The following GRM7 variants were observed in gnomAD, a reference collection of about 807,000 sequenced individuals.
The protein encoded by GRM7 is glutamate metabotropic receptor 7, also known as metabotropic glutamate receptor 7.
In GRM7, 35 loss-of-function variants were observed where a neutral mutation model predicts 84.5. The observed-to-expected ratio is 0.41, with a 90% CI of 0.32 to 0.55. GRM7 has a LOEUF of 0.55. Ranked by LOEUF, GRM7 falls within the 20% of genes least tolerant of loss-of-function variation. The pLI is 0.19. For missense variants in GRM7, 1,003 were observed against 1,194.6 expected, an observed-to-expected ratio of 0.84 and a Z score of 2.36; for synonymous variants, 487 against 455.1, an observed-to-expected ratio of 1.07 and a Z score of -0.89.
At chr3:7,451,982 G>A (rs912898379) in intron 5 of GRM7, among the ~76,000 whole-genome samples, 3 of 152,174 alleles carry the variant, frequency 2.0e-5, no homozygotes, top group East Asian at 3.8e-4. Context: ...AGCATTGCAC[G>A]TGATGGAAAA....
At chr3:6,930,085 T>A (rs1399298063) in intron 1 of GRM7, among the ~76,000 whole-genome samples, 1 of 152,188 alleles carries the variant, frequency 6.6e-6, no homozygotes, top group Non-Finnish European at 1.5e-5. Context: ...TGAGACAGAC[T>A]GTGTGGCAAT....
intron 2 of GRM7, among the ~76,000 whole-genome samples, chr3:7,223,493 AT>A (rs900522455): frequency 3.6e-4 from 49 of 138,006 alleles, no homozygotes; most frequent in Middle Eastern, 3.6e-3. Context: ...TTTCTCTAAT[AT>A]TTTTTTTTCT....
intron 1 of GRM7, among the ~76,000 whole-genome samples, chr3:6,998,388 C>A (rs7626458): frequency 2.6e-5 from 4 of 152,098 alleles, no homozygotes; most frequent in East Asian, 1.9e-4. Flanking sequence ...CAGTCCCCCC[C>A]AAAGTTGCTT....
At chr3:7,325,873 T>C (rs1274028513) in intron 4 of GRM7, among the ~76,000 whole-genome samples, 5 of 152,128 alleles carry the variant, frequency 3.3e-5, no homozygotes, top group African/African-American at 4.8e-5. Context: ...AGTTTTTTTG[T>C]CTCTCTCTCG....
At chr3:6,932,751 CTTTTT>C (rs35962540) in intron 1 of GRM7, among the ~76,000 whole-genome samples, 2 of 93,812 alleles carry the variant, frequency 2.1e-5, no homozygotes, top group Admixed American at 1.2e-4. Context: ...TTCTTTCTCT[CTTTTT>C]TTTTTTTTTT....
At position 7,530,762 on chromosome 3, in the gene GRM7, T is replaced by G. The variant is rs531343787; in HGVS notation, c.1516-47660T>G. Among the ~76,000 whole-genome samples, 9 of 152,124 alleles carry G rather than the reference T, an allele frequency of 5.9e-5. No individual in the cohort carries two copies. The South Asian group carries it at 1.9e-3, about 32-fold the overall frequency. ...GCCTTCTTTTGAGGAGTGTCTGTTCTTATCTTTTGTCCATTTTTTGATGGG... is the reference window on the plus strand; with the variant it reads ...GCCTTCTTTTGAGGAGTGTCTGTTCGTATCTTTTGTCCATTTTTTGATGGG... On this transcript the variant is annotated intron_variant, in intron 7 of 9. Coordinates refer to ENST00000357716, the MANE Select transcript of GRM7 (RefSeq NM_000844.4).
intron 4 of GRM7, among the ~76,000 whole-genome samples, chr3:7,410,220 G>A (rs955188585): frequency 4.6e-5 from 7 of 152,132 alleles, no homozygotes; most frequent in Non-Finnish European, 1.0e-4. Flanking sequence ...AACTTAATAA[G>A]CAAAACTAGA....
rs1169526101 is a variant in GRM7, at chr3:7,452,876, G to A, written c.1375+69G>A. The A allele has an allele frequency of 9.6e-6, 9 of 933,406 alleles. No individual in the cohort carries two copies. In the East Asian group the frequency reaches 2.3e-4, roughly 24 times the overall value. 57.8% of individuals were successfully genotyped at this position (933,406 alleles called of 1,614,324 possible). ...GCATTCTGTTTCATAAGTTTTAAAT[G>A]TCTATTATTATTTACTTTAAAATAT... On this transcript the variant is annotated intron_variant, in intron 6 of 9. Coordinates refer to ENST00000357716, the MANE Select transcript of GRM7 (RefSeq NM_000844.4).
In GRM7 at chr3:7,163,344, C is replaced by G. The variant is rs114001059; in HGVS notation, c.736+16676C>G. The stretch of plus-strand genomic sequence containing the variant: ...TCTGAGGAGTGCTAGCTTCCTGATA[C>G]CAATTCAATGGAAAAGGGAAAGAAT... On this transcript the variant is annotated intron_variant, in intron 2 of 9. Transcript: ENST00000357716. Among the ~76,000 whole-genome samples, 211 of 152,264 alleles carry G rather than the reference C, an allele frequency of 1.4e-3. 1 individual carries two copies. The highest frequency in any genetic ancestry group is 4.5e-3 in the African/African-American group (188 of 41,550).
At chr3:7,570,439 G>T (rs1433179771) in intron 7 of GRM7, among the ~76,000 whole-genome samples, 1 of 152,174 alleles carries the variant, frequency 6.6e-6, no homozygotes. Flanking sequence ...GGGAGAAATT[G>T]GCCAAAACGA....
chr3:7,128,353 A>G (rs1439066696), intron 1 of GRM7, among the ~76,000 whole-genome samples: 3 of 151,880 alleles, frequency 2.0e-5, no homozygotes, highest in Non-Finnish European at 2.9e-5. Flanking sequence ...GCTGAAAACC[A>G]GACACCTAAT....
chr3:7,157,871 C>T (rs1382955650), intron 2 of GRM7, among the ~76,000 whole-genome samples: 4 of 151,868 alleles, frequency 2.6e-5, no homozygotes, highest in East Asian at 1.9e-4. Flanking sequence ...ATAAGGTGGC[C>T]GAACAATCTG....
intron 2 of GRM7, among the ~76,000 whole-genome samples, chr3:7,207,617 G>A (rs1696282742): frequency 6.6e-6 from 1 of 152,148 alleles, no homozygotes; most frequent in Admixed American, 6.5e-5. Flanking sequence ...AGGGCTAGAA[G>A]CAAATTCCTA....
chr3:7,461,750 C>T, intron 7 of GRM7, 28 bp downstream of exon 7: 1 of 1,606,200 alleles, frequency 6.2e-7, no homozygotes, highest in Non-Finnish European at 8.5e-7. Flanking sequence ...CTCTTCTTCC[C>T]TTGTTGAGAT....
At chr3:7,331,660 C>A (rs1473163193) in intron 4 of GRM7, among the ~76,000 whole-genome samples, 1 of 152,158 alleles carries the variant, frequency 6.6e-6, no homozygotes, top group Non-Finnish European at 1.5e-5. Context: ...TTTCCAGGAG[C>A]TTTTGGGAAA....
chr3:7,608,839 T>C (rs1696716007), intron 8 of GRM7, among the ~76,000 whole-genome samples: 1 of 152,210 alleles, frequency 6.6e-6, no homozygotes, highest in Non-Finnish European at 1.5e-5. Context: ...AGGGTTTTTA[T>C]AGTTTGGAGT....
intron 7 of GRM7, among the ~76,000 whole-genome samples, chr3:7,469,804 A>C (rs1169406465): frequency 6.6e-6 from 1 of 152,200 alleles, no homozygotes; most frequent in Non-Finnish European, 1.5e-5. Flanking sequence ...TTATAAATCA[A>C]AAATAGTACT....
intron 9 of GRM7, among the ~76,000 whole-genome samples, chr3:7,686,000 C>T (rs938503388): frequency 6.6e-6 from 1 of 152,110 alleles, no homozygotes; most frequent in African/African-American, 2.4e-5. Flanking sequence ...CTTGGACTAA[C>T]CACACAGGCT....
At chr3:6,983,146 G>A (rs941669966) in intron 1 of GRM7, among the ~76,000 whole-genome samples, 1 of 152,294 alleles carries the variant, frequency 6.6e-6, no homozygotes, top group East Asian at 1.9e-4. Context: ...TAAGCAAAGT[G>A]AAGGATTGTA....
Sources: allele counts gnomAD v4.1 joint callset (sites outside exome capture counted in the v4.1 genomes callset), GRCh38; gene constraint gnomAD v4.1.1; transcripts MANE v1.5; gene names NCBI Gene and HGNC (gene_info 2026-07-23, HGNC 2026-07-21).